STX8: variants seen among roughly 807,000 people sequenced by gnomAD.
The protein encoded by STX8 is syntaxin-8.
STX8 carries 23 observed loss-of-function variants against 37.5 expected under a neutral mutation model. The observed-to-expected ratio is 0.61, with a 90% CI of 0.44 to 0.87. The LOEUF is 0.87. Ranked by LOEUF, STX8 falls within the 40% of genes least tolerant of loss-of-function variation. The pLI, the probability that STX8 is intolerant of heterozygous loss-of-function variation, is 0.00. For missense variants in STX8, 313 were observed against 284.7 expected (o/e 1.10, Z -0.71); for synonymous variants, 115 against 99.1 (o/e 1.16, Z -0.95).
At chr17:9,327,241 A>AGGAG (rs1567784954) in intron 7 of STX8, among the ~76,000 whole-genome samples, 1 of 146,356 alleles carries the variant, frequency 6.8e-6, no homozygotes, top group African/African-American at 2.6e-5. Flanking sequence ...GAAGGAGGAC[A>AGGAG]GAGGAGGAAG....
chr17:9,263,199 G>A (rs867277189), intron 7 of STX8, among the ~76,000 whole-genome samples: 5 of 150,864 alleles, frequency 3.3e-5, no homozygotes, highest in African/African-American at 9.8e-5. Context: ...AGGGACGGGT[G>A]CGTGCGGTGG....
intron 7 of STX8, among the ~76,000 whole-genome samples, chr17:9,253,207 GGT>G (rs36048368): frequency 0.027 from 3,860 of 140,940 alleles, 102 homozygotes; most frequent in African/African-American, 0.068. Flanking sequence ...CAGGGGTAGG[GGT>G]GTGTGTGTGT....
intron 6 of STX8, chr17:9,461,062 T>C (rs1311039138): frequency 6.6e-6 from 1 of 152,026 alleles, no homozygotes. Context: ...TTATAGCCTT[T>C]CCACAGTATT....
At chr17:9,342,161 A>C (rs143336259) in intron 7 of STX8, among the ~76,000 whole-genome samples, 1 of 152,142 alleles carries the variant, frequency 6.6e-6, no homozygotes, top group South Asian at 2.1e-4. Context: ...TGCAGTTCAC[A>C]ATAGGGTTTG....
At chr17:9,566,084 T>G (rs1484975729) in intron 2 of STX8, among the ~76,000 whole-genome samples, 1 of 152,184 alleles carries the variant, frequency 6.6e-6, no homozygotes, top group Non-Finnish European at 1.5e-5. Context: ...ATAGCCAGTA[T>G]CTATAAGGAA....
At chr17:9,324,740 G>A (rs1220278244) in intron 7 of STX8, among the ~76,000 whole-genome samples, 2 of 148,336 alleles carry the variant, frequency 1.3e-5, no homozygotes, top group Admixed American at 6.7e-5. Flanking sequence ...ACTCCAACAT[G>A]GGTGACAAGA....
intron 2 of STX8, among the ~76,000 whole-genome samples, chr17:9,561,222 C>T (rs921797982): frequency 1.3e-4 from 20 of 152,038 alleles, no homozygotes; most frequent in Non-Finnish European, 2.6e-4. Context: ...AACAAACATG[C>T]TGATAATTTC....
At chr17:9,531,995 C>T (rs563461876) in intron 4 of STX8, among the ~76,000 whole-genome samples, 9 of 152,218 alleles carry the variant, frequency 5.9e-5, no homozygotes, top group Non-Finnish European at 8.8e-5. Context: ...GGATACCTTT[C>T]TTGACTTGAT....
chr17:9,262,351 G>A (rs1907068831), intron 7 of STX8, among the ~76,000 whole-genome samples: 2 of 152,088 alleles, frequency 1.3e-5, no homozygotes, highest in African/African-American at 4.8e-5. Flanking sequence ...AGGGATTTTG[G>A]ATTTTGAACT....
Position 9,560,745 on chromosome 17 carries a change from TG to T in STX8, c.118-3218del, listed in dbSNP as rs888521312. Among the ~76,000 whole-genome samples the T allele has an allele frequency of 3.7e-3, 315 of 86,090 alleles. 2 individuals are homozygous for T. The highest frequency in any genetic ancestry group is 8.8e-3 in the African/African-American group (298 of 33,678). 56.5% of individuals were successfully genotyped at this position (86,090 alleles called of 152,430 possible). A position where few individuals can be genotyped will look rare whatever the true frequency, so the allele number is the denominator to read the frequency against. ...GTGATAATTAAGGCACAGCACAGTTTGGTTTTTTTTTTTTTAAATGAAGTTT... is the reference window on the plus strand; with the variant it reads ...GTGATAATTAAGGCACAGCACAGTTTGTTTTTTTTTTTTTAAATGAAGTTT... On this transcript the variant is annotated intron_variant, in intron 2 of 7. Coordinates refer to ENST00000306357, the MANE Select transcript of STX8 (RefSeq NM_004853.3).
chr17:9,314,385 TA>T (rs1909305412), intron 7 of STX8, among the ~76,000 whole-genome samples: 3 of 152,076 alleles, frequency 2.0e-5, no homozygotes, highest in African/African-American at 7.2e-5. Flanking sequence ...ATATATATTT[TA>T]TATCTGTTTT....
chr17:9,493,282 G>C (rs1906936608), intron 5 of STX8, among the ~76,000 whole-genome samples: 3 of 152,034 alleles, frequency 2.0e-5, no homozygotes, highest in Admixed American at 6.6e-5. Context: ...AAAATAATTT[G>C]AAAATTTTTT....
intron 6 of STX8, among the ~76,000 whole-genome samples, chr17:9,414,497 C>A (rs568280616): frequency 6.6e-6 from 1 of 152,152 alleles, no homozygotes; most frequent in East Asian, 1.9e-4. Context: ...TACCTCATTG[C>A]AAACTGGTAA....
intron 6 of STX8, among the ~76,000 whole-genome samples, chr17:9,486,782 C>T (rs1281320525): frequency 2.6e-5 from 4 of 152,128 alleles, no homozygotes; most frequent in Non-Finnish European, 5.9e-5. Context: ...TCACTTGAGC[C>T]TGGGAGATGG....
At chr17:9,416,048 T>C (rs1457465611) in intron 6 of STX8, among the ~76,000 whole-genome samples, 2 of 152,228 alleles carry the variant, frequency 1.3e-5, no homozygotes, top group Non-Finnish European at 2.9e-5. Context: ...CAGGCAGTCA[T>C]TTCCCTTGAG....
intron 6 of STX8, among the ~76,000 whole-genome samples, chr17:9,458,870 C>T (rs191952640): frequency 1.8e-3 from 264 of 150,600 alleles, no homozygotes; most frequent in African/African-American, 6.2e-3. Context: ...CACTCTGTTG[C>T]CCAGGCTGGA....
chr17:9,319,828 G>A (rs1182946371), intron 7 of STX8, among the ~76,000 whole-genome samples: 1 of 151,622 alleles, frequency 6.6e-6, no homozygotes, highest in African/African-American at 2.4e-5. Context: ...TCACACACTT[G>A]TAATCCGAGC....
intron 6 of STX8, among the ~76,000 whole-genome samples, chr17:9,485,126 GA>G (rs576356012): frequency 6.9e-4 from 13 of 18,906 alleles, no homozygotes; most frequent in South Asian, 0.042. Flanking sequence ...TTGTCGCTTA[GA>G]AAAAAAATTA....
At chr17:9,566,559 G>T (rs532216199) in intron 2 of STX8, among the ~76,000 whole-genome samples, 10 of 152,166 alleles carry the variant, frequency 6.6e-5, no homozygotes, top group African/African-American at 2.4e-4. Flanking sequence ...GGCCGAGGTG[G>T]GTGGATCACC....
Sources: gnomAD v4.1 joint callset for allele counts (sites outside exome capture counted in the v4.1 genomes callset) on GRCh38, gnomAD v4.1.1 for gene constraint, MANE v1.5 for transcripts, NCBI Gene and HGNC (gene_info 2026-07-23, HGNC 2026-07-21) for gene names.